The following TNRC6A variants were observed in gnomAD, a reference collection of about 807,000 sequenced individuals.
TNRC6A encodes the protein trinucleotide repeat-containing gene 6A protein.
A neutral mutation model predicts 221.2 loss-of-function variants in TNRC6A; 44 were observed. That is an observed-to-expected ratio of 0.20 (90% confidence interval 0.16 to 0.26). The LOEUF (loss-of-function observed/expected upper bound fraction) is 0.26, where lower values mean the gene tolerates loss of function less well. TNRC6A is among the 10% of genes least tolerant of loss of function. The probability of loss-of-function intolerance (pLI) is 1.00; values close to 1 mark genes in which losing one functional copy is unlikely to be tolerated. For missense variants in TNRC6A, 2,199 were observed against 2,404.4 expected (o/e 0.91, Z 1.79); for synonymous variants, 847 against 838.5 (o/e 1.01, Z -0.18).
intron 2 of TNRC6A, among the ~76,000 whole-genome samples, chr16:24,746,205 C>T (rs2057006709): frequency 6.6e-6 from 1 of 152,070 alleles, no homozygotes; most frequent in Non-Finnish European, 1.5e-5. Context: ...TGCTTGTTTT[C>T]TTATTTCAGA....
intron 2 of TNRC6A, among the ~76,000 whole-genome samples, chr16:24,682,341 C>T (rs1050746807): frequency 1.3e-5 from 2 of 151,510 alleles, no homozygotes; most frequent in African/African-American, 4.9e-5. Context: ...ATACTCTCAC[C>T]TCGCCTCCCA....
rs376459814 is a variant in TNRC6A at position 24,695,933 on chromosome 16, G to A, written n.403-54793G>A. ...CAACCCCCTTGAGCTTGGAATTAAT[G>A]GGATTCCCACCAGCATTTGGCTGAG... On this transcript the variant is annotated intron_variant and non_coding_transcript_variant, in intron 2 of 2. Transcript: ENST00000566108. Among the ~76,000 whole-genome samples, 35 of 152,268 alleles carry A rather than the reference G, an allele frequency of 2.3e-4. No individual in the cohort carries two copies. In the South Asian group the frequency reaches 6.0e-3, roughly 26 times the overall value.
At chr16:24,742,617 A>C (rs530211581) in intron 2 of TNRC6A, among the ~76,000 whole-genome samples, 2 of 152,318 alleles carry the variant, frequency 1.3e-5, no homozygotes, top group South Asian at 4.1e-4. Flanking sequence ...GAGTGAGATT[A>C]ACATCTAAAA....
At chr16:24,818,820 C>A in intron 21 of TNRC6A, 120 bp downstream of exon 21, 2 of 771,664 alleles carry the variant, frequency 2.6e-6, no homozygotes, top group Non-Finnish European at 4.5e-6. Flanking sequence ...TGTTTGTGAG[C>A]CTGGGAAATT....
intron 2 of TNRC6A, among the ~76,000 whole-genome samples, chr16:24,675,702 C>CTCTCTATATA (rs1180245687): frequency 1.5e-4 from 5 of 33,268 alleles, no homozygotes; most frequent in African/African-American, 1.3e-4. Flanking sequence ...CTCTCTCTCT[C>CTCTCTATATA]TATATATATA....
chr16:24,778,156 C>T (rs1361505940), intron 5 of TNRC6A, among the ~76,000 whole-genome samples: 1 of 152,206 alleles, frequency 6.6e-6, no homozygotes, highest in Non-Finnish European at 1.5e-5. Flanking sequence ...ATCAGATAGA[C>T]TAGGGCCTTA....
Position 24,816,904 on chromosome 16 carries a change from T to C in TNRC6A, c.4920T>C (p.Asn1640=), listed in dbSNP as rs779242966. 16 of 1,614,032 alleles carry C rather than the reference T, an allele frequency of 9.9e-6. No homozygotes were observed. The highest frequency in any genetic ancestry group is 7.7e-5 in the South Asian group (7 of 91,074). Reference sequence around the variant, plus strand: ...TCACTCCTGGCAGTGTCATAAACAATCTTTCAATTAATACTGTGCGGGAAG... The same window carrying C: ...TCACTCCTGGCAGTGTCATAAACAACCTTTCAATTAATACTGTGCGGGAAG... ...PYVTPGSVIN[N]LSINTVREVD... The change falls in exon 20 of 25, where the codon AAT becomes AAC. Residue 1640 remains asparagine, a synonymous_variant. Coordinates refer to ENST00000395799, the MANE Select transcript of TNRC6A (RefSeq NM_014494.4).
At chr16:24,805,281 A>G in intron 14 of TNRC6A, 130 bp downstream of exon 14, 2 of 1,299,954 alleles carry the variant, frequency 1.5e-6, no homozygotes, top group East Asian at 2.4e-5. Context: ...CTAGTTTTGA[A>G]TTAACTATTA....
intron 2 of TNRC6A, among the ~76,000 whole-genome samples, chr16:24,706,358 A>G (rs1030459666): frequency 7.9e-5 from 12 of 151,716 alleles, no homozygotes; most frequent in African/African-American, 2.9e-4. Flanking sequence ...AAAGTAATAA[A>G]AAAGAATTAA....
At chr16:24,659,768 A>T (rs2054990875) in intron 2 of TNRC6A, among the ~76,000 whole-genome samples, 1 of 152,178 alleles carries the variant, frequency 6.6e-6, no homozygotes, top group Non-Finnish European at 1.5e-5. Flanking sequence ...TGTGACTAGA[A>T]AGTGGTCTCT....
upstream of TNRC6A, among the ~76,000 whole-genome samples, chr16:24,726,426 C>G (rs546503971): frequency 2.7e-5 from 4 of 149,968 alleles, no homozygotes; most frequent in Admixed American, 2.7e-4. Context: ...GTCAGGATGG[C>G]CTAGCAAAGA....
At chr16:24,685,498 G>C (rs993130320) in intron 2 of TNRC6A, among the ~76,000 whole-genome samples, 2 of 152,014 alleles carry the variant, frequency 1.3e-5, no homozygotes, top group African/African-American at 4.8e-5. Context: ...CACAATGCCC[G>C]GTGAATTTTG....
chr16:24,781,827 CT>C lies in TNRC6A; in HGVS notation c.589+4484del, dbSNP rs532953420. Among the ~76,000 whole-genome samples, 764 of 144,920 alleles carry C rather than the reference CT, an allele frequency of 5.3e-3. 3 individuals are homozygous for C. The highest frequency in any genetic ancestry group is 0.015 in the African/African-American group (575 of 39,612). On this transcript the variant is annotated intron_variant, in intron 5 of 24. Coordinates refer to ENST00000395799, the MANE Select transcript of TNRC6A (RefSeq NM_014494.4). ...TTACTGTACTCTGCTGATTTTAACT[CT>C]TTTTTTTTTTTTTTGAGATGGAGTC...
At chr16:24,776,634 G>C (rs570343774) in intron 4 of TNRC6A, 3 of 985,420 alleles carry the variant, frequency 3.0e-6, no homozygotes, top group Non-Finnish European at 3.6e-6. Flanking sequence ...GTAATGATCC[G>C]ATGATGATGT....
At position 24,823,618 on chromosome 16, in the gene TNRC6A, G is replaced by C. The variant is rs767629677; in HGVS notation, c.5700G>C (p.Trp1900Cys). ...CCAGCCGGACCGATCTCAATCACTG[G>C]AATGGTGCTGGGCTGTCGGGAACTA... is the stretch of plus-strand genomic sequence containing the variant. ...SFSSRTDLNH[W>C]NGAGLSGTNC... Residue 1900 changes from tryptophan to cysteine, a missense_variant, in exon 25 of 25, where the codon TGG becomes TGC. This residue lies in a region of TNRC6A where 130 missense variants were observed against 121.7 expected (regional missense o/e 1.07). Transcript: ENST00000395799. This position sits in a 1 kb window ranked among gnomAD's most constrained non-coding sequence, Gnocchi z 4.3. The C allele has an allele frequency of 6.2e-7, 1 of 1,614,100 alleles. No homozygotes were observed. The highest frequency in any genetic ancestry group is 1.1e-5 in the South Asian group (1 of 91,054).
At chr16:24,635,173 C>T (rs1489098047) in intron 1 of TNRC6A, among the ~76,000 whole-genome samples, 2 of 145,726 alleles carry the variant, frequency 1.4e-5, no homozygotes, top group Non-Finnish European at 3.0e-5. Context: ...TTCCTTCCTT[C>T]CTTCTTTCCT....
chr16:24,794,444 TTTC>T, intron 7 of TNRC6A, 97 bp from the exon 8 acceptor site: 9 of 1,296,994 alleles, frequency 6.9e-6, no homozygotes, highest in South Asian at 1.6e-5. Flanking sequence ...ACGTGTGTGT[TTTC>T]TTAGGTTCTC....
rs117745534 is a variant in TNRC6A, at chr16:24,715,473, C to T, written n.403-35253C>T. ...ATGCAAAACCCTCCTAAGTACCATA[C>T]CTAATGTCTGTGAATTACAAGGTTT... On this transcript the variant is annotated intron_variant and non_coding_transcript_variant, in intron 2 of 2. Coordinates refer to the TNRC6A transcript ENST00000566108. Among the ~76,000 whole-genome samples, 692 of 152,158 alleles carry T rather than the reference C, an allele frequency of 4.5e-3. 2 individuals are homozygous for T. The highest frequency in any genetic ancestry group is 8.2e-3 in the Non-Finnish European group (558 of 68,012).
At chr16:24,822,042 TG>T in intron 22 of TNRC6A, 34 bp from the exon 23 acceptor site, 1 of 1,610,690 alleles carries the variant, frequency 6.2e-7, no homozygotes, top group South Asian at 1.1e-5. Context: ...CTTTCAGTCC[TG>T]GAAAACTGAC....
Sources: gnomAD v4.1 joint callset for allele counts (sites outside exome capture counted in the v4.1 genomes callset) on GRCh38, gnomAD v4.1.1 for gene constraint, gnomAD v4.1.1 regional missense constraint, Gnocchi (gnomAD v3.1) non-coding constraint, MANE v1.5 for transcripts, NCBI Gene and HGNC (gene_info 2026-07-23, HGNC 2026-07-21) for gene names.